The following PI4KA variants were observed in gnomAD, a reference collection of about 807,000 sequenced individuals.
PI4KA encodes the protein phosphatidylinositol 4-kinase alpha, also known as PI4-kinase alpha.
A neutral mutation model predicts 271.4 loss-of-function variants in PI4KA; 122 were observed. The ratio of observed to expected loss-of-function variants is 0.45; its 90% CI spans 0.39 to 0.52. The LOEUF (loss-of-function observed/expected upper bound fraction) is 0.52, where lower values mean the gene tolerates loss of function less well. PI4KA is among the 20% of genes least tolerant of loss of function. The probability of loss-of-function intolerance (pLI) is 0.00; values close to 1 mark genes in which losing one functional copy is unlikely to be tolerated. For synonymous variants in PI4KA, 1,041 were observed against 1,078.8 expected (o/e 0.96, Z 0.69); for missense variants, 1,969 against 2,769.1 (o/e 0.71, Z 6.48).
chr22:20,852,512 T>C (rs1281100132), intron 1 of PI4KA, among the ~76,000 whole-genome samples: 2 of 152,216 alleles, frequency 1.3e-5, no homozygotes, highest in Non-Finnish European at 2.9e-5. Flanking sequence ...TATGGCAGCC[T>C]AGCAAACTAA....
chr22:20,738,744 G>T (rs745743231), intron 32 of PI4KA, among the ~76,000 whole-genome samples: 1 of 151,986 alleles, frequency 6.6e-6, no homozygotes, highest in African/African-American at 2.4e-5. Flanking sequence ...GACTCCAAAA[G>T]ACCCCAAATG....
intron 32 of PI4KA, among the ~76,000 whole-genome samples, chr22:20,741,399 G>C (rs1459484668): frequency 6.6e-6 from 1 of 152,160 alleles, no homozygotes; most frequent in Non-Finnish European, 1.5e-5. Context: ...TCTTTGATGG[G>C]AGCAGGCTGG....
intron 40 of PI4KA, 36 bp from the exon 41 acceptor site, chr22:20,727,433 AGTCCCGGGACCTCTGGAAATACCTG>A: frequency 3.8e-6 from 6 of 1,559,752 alleles, no homozygotes; most frequent in Non-Finnish European, 4.3e-6. Flanking sequence ...TGGCTTGGGC[AGTCCCGGGACCTCTGGAAATACCTG>A]GTCCACGGGC....
At chr22:20,738,382 C>G (rs529931522) in intron 32 of PI4KA, among the ~76,000 whole-genome samples, 9 of 152,152 alleles carry the variant, frequency 5.9e-5, no homozygotes, top group Non-Finnish European at 8.8e-5. Flanking sequence ...TAGTGCAGCC[C>G]ACATGCATTT....
chr22:20,808,966 G>C (rs1163456832), intron 9 of PI4KA, among the ~76,000 whole-genome samples: 1 of 152,102 alleles, frequency 6.6e-6, no homozygotes, highest in Non-Finnish European at 1.5e-5. Context: ...TGAGTGAGCA[G>C]GTGGAGAAAA....
In PI4KA at chr22:20,754,234, T is replaced by TACA. The variant is rs1449236669; in HGVS notation, c.2792-1057_2792-1055dup. Among the ~76,000 whole-genome samples, 4 of 152,140 alleles carry TACA rather than the reference T, an allele frequency of 2.6e-5. No homozygotes were observed. In the East Asian group the frequency reaches 7.7e-4, roughly 29 times the overall value. On this transcript the variant is annotated intron_variant, in intron 23 of 54. Transcript: ENST00000255882. ...TCCCTGGTGGCTGGGATTACAGATGTACAACACCATGCTCAGCTAATTGAT... is the reference window on the plus strand; with the variant it reads ...TCCCTGGTGGCTGGGATTACAGATGTACAACAACACCATGCTCAGCTAATTGAT...
At position 20,820,440 on chromosome 22, in the gene PI4KA, C is replaced by T. The variant is rs987049048; in HGVS notation, c.529+99G>A. 3.8e-6 allele frequency: 3 copies of T among 799,498 alleles called. No homozygotes were observed. In the African/African-American group the frequency reaches 5.2e-5, roughly 14 times the overall value. The allele number at this position is 799,498 out of a possible 1,614,324, so 49.5% of individuals were successfully genotyped here. On this transcript the variant is annotated intron_variant, in intron 5 of 54. Transcript: ENST00000255882. ...CTAAAATAGGAAGGTTTTCTCCCATCATATATATTAGGTACCCAACAACAG... is the reference window on the plus strand; with the variant it reads ...CTAAAATAGGAAGGTTTTCTCCCATTATATATATTAGGTACCCAACAACAG...
In PI4KA at chr22:20,733,600, C is replaced by T. The variant is rs550475987; in HGVS notation, c.4160+136G>A. The T allele has an allele frequency of 2.3e-4, 307 of 1,335,460 alleles. 1 individual carries two copies. In the African/African-American group the frequency reaches 3.8e-3, roughly 17 times the overall value. The allele number at this position is 1,335,460 out of a possible 1,614,324, so 82.7% of individuals were successfully genotyped here. A position where few individuals can be genotyped will look rare whatever the true frequency, so the allele number is the denominator to read the frequency against. Reference sequence around the variant, plus strand: ...ATTTAAATCCACAGGGCCAGGGATACTGAAGGAGGAGGTTGGTGAGCACAA... The same window carrying T: ...ATTTAAATCCACAGGGCCAGGGATATTGAAGGAGGAGGTTGGTGAGCACAA... On this transcript the variant is annotated intron_variant, in intron 35 of 54. Coordinates refer to ENST00000255882, the MANE Select transcript of PI4KA (RefSeq NM_058004.4).
intron 2 of PI4KA, among the ~76,000 whole-genome samples, chr22:20,835,724 C>A (rs1924775094): frequency 6.6e-6 from 1 of 150,504 alleles, no homozygotes. Flanking sequence ...AGAGTGAAAT[C>A]CTGTCTCGAA....
At chr22:20,718,935 G>T in intron 43 of PI4KA, 113 bp from the exon 44 acceptor site, 1 of 1,110,760 alleles carries the variant, frequency 9.0e-7, no homozygotes, top group Non-Finnish European at 1.3e-6. Flanking sequence ...ATGCTCTGCA[G>T]GCTTGGTGAG....
chr22:20,739,170 C>G lies in PI4KA; in HGVS notation c.3741+3058G>C, dbSNP rs185719822. On this transcript the variant is annotated intron_variant, in intron 32 of 54. Transcript: ENST00000255882. ...ACCATCCTGGCTAACACAGTGAAAC[C>G]CCGTCTCTACTAAAAAATACAAAAA... is the stretch of plus-strand genomic sequence containing the variant. Among the ~76,000 whole-genome samples the G allele has an allele frequency of 5.9e-3, 892 of 150,224 alleles. 8 individuals are homozygous for G. Among genetic ancestry groups the G allele is most frequent in the East Asian group, 0.056 (284 of 5,090 alleles).
rs115539264 is a variant in PI4KA, at chr22:20,764,095, C to G, written c.2708+722G>C. 2.2e-3 allele frequency among the ~76,000 whole-genome samples: 329 copies of G among 152,304 alleles called. 1 individual carries two copies. Among genetic ancestry groups the G allele is most frequent in the African/African-American group, 7.9e-3 (327 of 41,560 alleles). On this transcript the variant is annotated intron_variant, in intron 22 of 54. Transcript: ENST00000255882. ...TTATTTGCATCCCTCCCGACTTAAG[C>G]TGAGTGTAATTTGACCTTTTCTTGA...
intron 36 of PI4KA, among the ~76,000 whole-genome samples, chr22:20,732,119 A>C (rs1383313411): frequency 6.6e-6 from 1 of 152,088 alleles, no homozygotes; most frequent in Admixed American, 6.6e-5. Flanking sequence ...GCTTGCAGTG[A>C]GCCGAGATTG....
At chr22:20,830,267 T>A (rs910304281) in intron 3 of PI4KA, among the ~76,000 whole-genome samples, 2 of 152,244 alleles carry the variant, frequency 1.3e-5, no homozygotes, top group African/African-American at 4.8e-5. Flanking sequence ...TGTGGTTACC[T>A]AAGCCTCTTC....
At chr22:20,846,401 T>A (rs1280541751) in intron 1 of PI4KA, among the ~76,000 whole-genome samples, 7 of 146,242 alleles carry the variant, frequency 4.8e-5, no homozygotes, top group South Asian at 2.2e-4. Flanking sequence ...TAAAAAAAAA[T>A]AATAAAGAAA....
At chr22:20,819,545 T>A (rs1328677932) in intron 6 of PI4KA, 96 bp downstream of exon 6, 2 of 1,150,008 alleles carry the variant, frequency 1.7e-6, no homozygotes, top group African/African-American at 1.6e-5. Flanking sequence ...TCACGTTACT[T>A]AAGTTTACTC....
chr22:20,818,545 C>A lies in PI4KA; in HGVS notation c.794G>T (p.Ser265Ile). The A allele has an allele frequency of 6.5e-7, 1 of 1,542,272 alleles. No homozygotes were observed. The highest frequency in any genetic ancestry group is 8.7e-7 in the Non-Finnish European group (1 of 1,153,448). The change falls in exon 7 of 55, where the codon AGC becomes ATC. Residue 265 changes from serine to isoleucine, a missense_variant. By Grantham distance (142) the Ser-to-Ile change is moderately radical (BLOSUM62 -2). Coordinates refer to ENST00000255882, the MANE Select transcript of PI4KA (RefSeq NM_058004.4). ...GGGAGGGGGCATGCCGCGTTCAGGGCTGACCTGAAACACACAACCACAGTT... is the reference window on the plus strand; with the variant it reads ...GGGAGGGGGCATGCCGCGTTCAGGGATGACCTGAAACACACAACCACAGTT... The part of the protein sequence containing the change: ...TSSVSSISQV[S>I]PERGMPPPSS...
rs770410826 is a variant in PI4KA, at chr22:20,805,158, C to T, written c.1176G>A (p.Pro392=). The stretch of plus-strand genomic sequence containing the variant: ...CATGGATCTCCTTCACAAAAGAGGT[C>T]GGGAGGTCTGTAGGAAAGAGTGTGG... ...RDTLYYMKDL[P]TSFVKEIHDF... The change falls in exon 11 of 55, where the codon CCG becomes CCA. Residue 392 remains proline, a synonymous_variant. Transcript: ENST00000255882. The T allele has an allele frequency of 6.2e-6, 10 of 1,613,022 alleles. No homozygotes were observed. In the African/African-American group the frequency reaches 6.7e-5, roughly 11 times the overall value.
At chr22:20,842,744 C>T (rs753567117) in intron 1 of PI4KA, among the ~76,000 whole-genome samples, 18 of 150,834 alleles carry the variant, frequency 1.2e-4, no homozygotes, top group Non-Finnish European at 2.2e-4. Flanking sequence ...ACCCAGGAGC[C>T]GGAGATAGCA....
Sources: allele counts gnomAD v4.1 joint callset (sites outside exome capture counted in the v4.1 genomes callset), GRCh38; gene constraint gnomAD v4.1.1; transcripts MANE v1.5; gene names NCBI Gene and HGNC (gene_info 2026-07-23, HGNC 2026-07-21).